SULT1C3: variants seen among roughly 807,000 people sequenced by gnomAD.
SULT1C3 encodes the protein sulfotransferase family 1C member 3.
SULT1C3 carries 31 observed loss-of-function variants against 28.4 expected under a neutral mutation model. That is an observed-to-expected ratio of 1.09 (90% CI 0.82 to 1.47). The LOEUF is 1.47. SULT1C3 is among the 40% of genes most tolerant of loss of function. SULT1C3 has a pLI of 0.00. For missense variants in SULT1C3, 307 were observed against 272.5 expected (o/e 1.13, Z -0.89); for synonymous variants, 106 against 92.2 (o/e 1.15, Z -0.86).
At chr2:108,265,324 C>T, downstream of SULT1C3, 12 of 1,613,794 alleles carry the variant, frequency 7.4e-6, no homozygotes, top group Non-Finnish European at 1.0e-5. Flanking sequence ...TGGCAGGAAG[C>T]ACCCTAACCT....
chr2:108,252,378 G>T lies in SULT1C3; in HGVS notation c.186G>T (p.Met62Ile), dbSNP rs780906439. Residue 62 changes from methionine (M) to isoleucine (I), a missense_variant, in exon 3 of 8, where the codon ATG becomes ATT. Coordinates refer to ENST00000681802, the MANE Select transcript of SULT1C3 (RefSeq NM_001320878.2). ...ATYPKSGTTW[M>I]HEILDMILND... ...AAATATTTTCAGGTACAACATGGAT[G>T]CATGAAATTTTAGACATGATTCTAA... is the stretch of plus-strand genomic sequence containing the variant. 5.0e-6 allele frequency: 8 copies of T among 1,609,438 alleles called. No homozygotes were observed. The highest frequency in any genetic ancestry group is 6.8e-6 in the Non-Finnish European group (8 of 1,177,546).
Position 108,247,336 on chromosome 2 carries a change from G to C in SULT1C3, c.142G>C (p.Asp48His), listed in dbSNP as rs1675612486. 2 of 1,558,132 alleles carry C rather than the reference G, an allele frequency of 1.3e-6. No individual in the cohort carries two copies. The highest frequency in any genetic ancestry group is 1.7e-6 in the Non-Finnish European group (2 of 1,152,070). ...ATGTAATTTCCAAGCCAAGCCTGAT[G>C]ATCTTATTCTGGCAACTTACCCAAA... ...KVCNFQAKPDDLILATYPKSG... is the reference protein window; with the variant it reads ...KVCNFQAKPDHLILATYPKSG... The change falls in exon 2 of 8, where the codon GAT (aspartate) becomes CAT (histidine). Residue 48 changes from aspartate to histidine, a missense_variant. Physicochemically the swap from Asp to His is moderately conservative, Grantham distance 81 (BLOSUM62 -1). Transcript: ENST00000681802.
chr2:108,264,973 T>C, downstream of SULT1C3: 2 of 1,613,370 alleles, frequency 1.2e-6, no homozygotes, highest in Non-Finnish European at 1.7e-6. Context: ...ACCAGCATTA[T>C]GGACCACTCC....
downstream of SULT1C3, chr2:108,264,958 T>G (rs772476402): frequency 2.5e-6 from 4 of 1,613,834 alleles, no homozygotes; most frequent in Admixed American, 1.7e-5. Context: ...TATACCACTT[T>G]GCCCACCAGC....
chr2:108,241,463 G>C (rs1675459624), intron 1 of SULT1C3, among the ~76,000 whole-genome samples: 1 of 152,184 alleles, frequency 6.6e-6, no homozygotes, highest in Non-Finnish European at 1.5e-5. Flanking sequence ...TTTACTTGAT[G>C]ATACAAAATA....
intron 7 of SULT1C3, among the ~76,000 whole-genome samples, chr2:108,259,761 T>A (rs1675973307): frequency 6.6e-6 from 1 of 152,138 alleles, no homozygotes; most frequent in Admixed American, 6.6e-5. Flanking sequence ...GAACATTATT[T>A]CTGTCCTCAA....
rs142298875 is a variant in SULT1C3, at chr2:108,241,246, C to A, written c.-8+1163C>A. Among the ~76,000 whole-genome samples, 195 of 152,296 alleles carry A rather than the reference C, an allele frequency of 1.3e-3. 1 individual carries two copies. Among genetic ancestry groups the A allele is most frequent in the Middle Eastern group, 6.8e-3 (2 of 294 alleles). ...TCAGTCAAAGCATATGTAAAATAACCAGTTTTTCCAATTGTGTCCTGTTGA... is the reference window on the plus strand; with the variant it reads ...TCAGTCAAAGCATATGTAAAATAACAAGTTTTTCCAATTGTGTCCTGTTGA... On this transcript the variant is annotated intron_variant, in intron 1 of 7. Transcript: ENST00000681802.
chr2:108,240,442 C>T (rs1352774416), intron 1 of SULT1C3, among the ~76,000 whole-genome samples: 2 of 152,166 alleles, frequency 1.3e-5, no homozygotes, highest in Admixed American at 6.5e-5. Flanking sequence ...AAGTGTGGTG[C>T]AGTAGATAAT....
chr2:108,247,405 C>A (rs568388919), intron 2 of SULT1C3, 39 bp downstream of exon 2: 13 of 1,449,730 alleles, frequency 9.0e-6, no homozygotes, highest in East Asian at 4.9e-5. Flanking sequence ...AATATTTTCA[C>A]GTGAAATTAT....
At chr2:108,255,508 A>G (rs1309633643) in intron 4 of SULT1C3, 64 bp from the exon 5 acceptor site, 12 of 1,565,548 alleles carry the variant, frequency 7.7e-6, no homozygotes, top group Non-Finnish European at 1.0e-5. Flanking sequence ...TGAAACACTC[A>G]CTTGAGTATT....
At chr2:108,259,865 G>A (rs17035925) in intron 7 of SULT1C3, among the ~76,000 whole-genome samples, 3,283 of 152,204 alleles carry the variant, frequency 0.022, 128 homozygotes, top group African/African-American at 0.076. Context: ...CCTAATACCA[G>A]TTCTCCTGGC....
At chr2:108,256,294 AT>A (rs2104390733) in intron 5 of SULT1C3, among the ~76,000 whole-genome samples, 1 of 152,168 alleles carries the variant, frequency 6.6e-6, no homozygotes, top group South Asian at 2.1e-4. Flanking sequence ...GTCAAATCAG[AT>A]TGGCAAGGAT....
intron 2 of SULT1C3, among the ~76,000 whole-genome samples, chr2:108,248,674 G>A (rs1675652707): frequency 6.6e-6 from 1 of 152,074 alleles, no homozygotes; most frequent in Non-Finnish European, 1.5e-5. Flanking sequence ...AAAACTATTA[G>A]CCATATAATT....
At chr2:108,260,114 T>G (rs1675984778) in intron 7 of SULT1C3, among the ~76,000 whole-genome samples, 1 of 152,138 alleles carries the variant, frequency 6.6e-6, no homozygotes, top group African/African-American at 2.4e-5. Flanking sequence ...AGTATCCAAA[T>G]GTCATTTCCA....
At chr2:108,252,185 A>AGATAGATAGATG (rs1553414982) in intron 2 of SULT1C3, among the ~76,000 whole-genome samples, 180 bp from the exon 3 acceptor site, 4 of 140,370 alleles carry the variant, frequency 2.8e-5, no homozygotes, top group African/African-American at 1.0e-4. Context: ...ATAGATAGAT[A>AGATAGATAGATG]GATGGATAGA....
At chr2:108,242,229 G>A (rs565665522) in intron 1 of SULT1C3, among the ~76,000 whole-genome samples, 4 of 152,240 alleles carry the variant, frequency 2.6e-5, no homozygotes, top group Admixed American at 6.5e-5. Context: ...AACTAAAAAC[G>A]TATTTGATTT....
chr2:108,251,757 C>T (rs1675730239), intron 2 of SULT1C3, among the ~76,000 whole-genome samples: 1 of 151,950 alleles, frequency 6.6e-6, no homozygotes, highest in Admixed American at 6.6e-5. Context: ...AAAGATGATT[C>T]TAAGCTGAGA....
At chr2:108,258,656 C>G in intron 5 of SULT1C3, 78 bp from the exon 6 acceptor site, 1 of 1,013,862 alleles carries the variant, frequency 9.9e-7, no homozygotes, top group Non-Finnish European at 1.5e-6. Flanking sequence ...AAGCTTATTT[C>G]AAAGGAGCAC....
chr2:108,243,504 G>C (rs961479661), intron 1 of SULT1C3, among the ~76,000 whole-genome samples: 1 of 151,972 alleles, frequency 6.6e-6, no homozygotes. Flanking sequence ...GGTGGTGGGT[G>C]CCTGTAGTCC....
Sources: gnomAD v4.1 joint callset for allele counts (sites outside exome capture counted in the v4.1 genomes callset) on GRCh38, gnomAD v4.1.1 for gene constraint, MANE v1.5 for transcripts, NCBI Gene and HGNC (gene_info 2026-07-23, HGNC 2026-07-21) for gene names.